The following NPIPB11 variants were observed in gnomAD, a reference collection of about 807,000 sequenced individuals.
NPIPB11 encodes the protein nuclear pore complex interacting protein family member B11, also known as nuclear pore complex-interacting protein family member B11.
NPIPB11 carries 17 observed loss-of-function variants against 32.8 expected under a neutral mutation model. The ratio of observed to expected loss-of-function variants is 0.52; its 90% CI spans 0.35 to 0.78. NPIPB11 has a LOEUF of 0.78. Among genes scored for constraint, NPIPB11 ranks in the 30% least tolerant of loss-of-function variants. NPIPB11 has a pLI of 0.01. For synonymous variants in NPIPB11, 209 were observed against 398.4 expected, an observed-to-expected ratio of 0.52 and a Z score of 5.66; for missense variants, 537 against 1,000.4, an observed-to-expected ratio of 0.54 and a Z score of 6.25.
intron 2 of NPIPB11, among the ~76,000 whole-genome samples, chr16:29,399,478 G>C: frequency 2.7e-5 from 4 of 146,398 alleles, no homozygotes; most frequent in Admixed American, 6.8e-5. Flanking sequence ...GAGGTGGGTG[G>C]ATCACAAGGT....
intron 2 of NPIPB11, among the ~76,000 whole-genome samples, chr16:29,401,412 A>T (rs969146548): frequency 4.0e-5 from 6 of 151,876 alleles, no homozygotes; most frequent in African/African-American, 1.5e-4. Flanking sequence ...ATCTGACCAA[A>T]CTGCTTTTTC....
At chr16:29,395,997 C>A (rs1489398172) in intron 2 of NPIPB11, among the ~76,000 whole-genome samples, 2 of 149,886 alleles carry the variant, frequency 1.3e-5, no homozygotes, top group Non-Finnish European at 1.5e-5. Context: ...AAAAAAATTA[C>A]CAAGGTGGAG....
At chr16:29,388,961 C>T (rs989520845) in intron 5 of NPIPB11, among the ~76,000 whole-genome samples, 15 of 140,340 alleles carry the variant, frequency 1.1e-4, no homozygotes, top group Non-Finnish European at 2.2e-4. Context: ...CATTGGGAGG[C>T]CGAGGTGTGC....
intron 5 of NPIPB11, among the ~76,000 whole-genome samples, chr16:29,389,664 T>G (rs1963661314): frequency 2.4e-5 from 1 of 41,974 alleles, no homozygotes; most frequent in Non-Finnish European, 3.6e-5. Context: ...AAGCTCCATC[T>G]CAGGAAAAAA....
At chr16:29,398,560 C>T (rs201724537) in intron 2 of NPIPB11, among the ~76,000 whole-genome samples, 7,288 of 151,206 alleles carry the variant, frequency 0.048, 201 homozygotes, top group South Asian at 0.065. Context: ...CAAAAATTAA[C>T]CTGACTTATT....
chr16:29,390,901 T>C (rs986174093), intron 3 of NPIPB11, among the ~76,000 whole-genome samples: 2 of 146,806 alleles, frequency 1.4e-5, no homozygotes, highest in Admixed American at 1.4e-4. Flanking sequence ...AGGAAAAGGT[T>C]GTGGTGAGCT....
At chr16:29,399,210 G>A (rs1304461652) in intron 2 of NPIPB11, among the ~76,000 whole-genome samples, 1 of 152,170 alleles carries the variant, frequency 6.6e-6, no homozygotes, top group Non-Finnish European at 1.5e-5. Context: ...ACTTCCCACA[G>A]GGCTTCTGCC....
chr16:29,391,837 C>T (rs935594444), intron 3 of NPIPB11, among the ~76,000 whole-genome samples: 36 of 151,948 alleles, frequency 2.4e-4, no homozygotes, highest in African/African-American at 7.5e-4. Flanking sequence ...TCTTGTGCCT[C>T]GGCCTCCCAA....
intron 2 of NPIPB11, among the ~76,000 whole-genome samples, chr16:29,397,108 T>C: frequency 6.8e-6 from 1 of 147,702 alleles, no homozygotes; most frequent in East Asian, 2.0e-4. Flanking sequence ...GAAGCGGAGG[T>C]TGCAGTGAGC....
intron 3 of NPIPB11, 31 bp downstream of exon 3, chr16:29,393,917 G>A: frequency 6.6e-7 from 1 of 1,515,776 alleles, no homozygotes; most frequent in East Asian, 2.3e-5. Flanking sequence ...GTGATTACAA[G>A]TATACCTCTA....
At chr16:29,399,034 G>A (rs1223225453) in intron 2 of NPIPB11, among the ~76,000 whole-genome samples, 1 of 150,778 alleles carries the variant, frequency 6.6e-6, no homozygotes, top group Non-Finnish European at 1.5e-5. Context: ...AAGAAACAAA[G>A]TTCATCAGCT....
intron 3 of NPIPB11, among the ~76,000 whole-genome samples, chr16:29,390,653 T>TACACACACACAC (rs56110526): frequency 6.3e-4 from 93 of 146,890 alleles, no homozygotes; most frequent in East Asian, 8.1e-4. Flanking sequence ...CTCTGTCACA[T>TACACACACACAC]ACACACACAC....
chr16:29,390,961 CAAAAA>C (rs1173802573), intron 3 of NPIPB11, among the ~76,000 whole-genome samples: 41 of 84,570 alleles, frequency 4.8e-4, no homozygotes, highest in African/African-American at 1.7e-3. Context: ...GAAACTGTCT[CAAAAA>C]AAAAAAAAAA....
intron 3 of NPIPB11, among the ~76,000 whole-genome samples, chr16:29,390,961 CAAAAAA>C (rs1173802573): frequency 0.012 from 987 of 84,546 alleles, 11 homozygotes; most frequent in African/African-American, 0.042. Flanking sequence ...GAAACTGTCT[CAAAAAA>C]AAAAAAAAAA....
Position 29,401,510 on chromosome 16 carries a change from G to A in NPIPB11, c.120+2173C>T, listed in dbSNP as rs1007375535. On this transcript the variant is annotated intron_variant, in intron 2 of 7. Coordinates refer to ENST00000524087, the Ensembl canonical transcript of NPIPB11. ...CTGGCTGAGGATAAAGCAAATCTGC[G>A]GTGACTTAGTCCTCCTGTCATTTCC... Among the ~76,000 whole-genome samples the A allele has an allele frequency of 1.2e-4, 19 of 152,092 alleles. No homozygotes were observed. In the East Asian group the frequency reaches 2.9e-3, roughly 23 times the overall value.
upstream of NPIPB11, among the ~76,000 whole-genome samples, chr16:29,405,765 C>T (rs1380219318): frequency 6.6e-6 from 1 of 152,106 alleles, no homozygotes; most frequent in Non-Finnish European, 1.5e-5. Flanking sequence ...ATGCCTCCTA[C>T]ACCTCCTATA....
At chr16:29,399,530 T>C (rs1963939365) in intron 2 of NPIPB11, among the ~76,000 whole-genome samples, 1 of 148,260 alleles carries the variant, frequency 6.7e-6, no homozygotes, top group African/African-American at 2.5e-5. Flanking sequence ...TGAAACCCTG[T>C]CTCTAATAAA....
rs767139305 is a variant in NPIPB11 at position 29,390,348 on chromosome 16, C to A, written c.250G>T (p.Val84Leu). Residue 84 changes from valine (V) to leucine (L), a missense_variant and splice_region_variant, in exon 4 of 8, where the codon GTG becomes TTG. Physicochemically the swap from Val to Leu is conservative, Grantham distance 32. Transcript: ENST00000524087. ...CAGAAGATAGTCTTCAGGAGAGACA[C>A]CTAGGAAATAATAATATAAGAATGA... 5.6e-6 allele frequency: 5 copies of A among 891,756 alleles called. No individual in the cohort carries two copies. In the African/African-American group the frequency reaches 8.2e-5, roughly 15 times the overall value. The allele number at this position is 891,756 out of a possible 1,614,324, so 55.2% of individuals were successfully genotyped here. A position where few individuals can be genotyped will look rare whatever the true frequency, so the allele number is the denominator to read the frequency against.
intron 2 of NPIPB11, among the ~76,000 whole-genome samples, chr16:29,401,600 C>T (rs1173946408): frequency 1.3e-5 from 2 of 152,134 alleles, no homozygotes; most frequent in African/African-American, 4.8e-5. Flanking sequence ...CACCATATGA[C>T]AGCCTTAATG....
Sources: allele counts gnomAD v4.1 joint callset (sites outside exome capture counted in the v4.1 genomes callset), GRCh38; gene constraint gnomAD v4.1.1; transcripts MANE v1.5; gene names NCBI Gene and HGNC (gene_info 2026-07-23, HGNC 2026-07-21).